The following FTCDNL1 variants were observed in gnomAD, a reference collection of about 807,000 sequenced individuals.
FTCDNL1 encodes the protein formiminotransferase cyclodeaminase N-terminal like.
A neutral mutation model predicts 5.9 loss-of-function variants in FTCDNL1; 11 were observed. The ratio of observed to expected loss-of-function variants is 1.87; its 90% CI spans 1.18 to 3.10. The LOEUF (loss-of-function observed/expected upper bound fraction) is 3.10, where lower values mean the gene tolerates loss of function less well. Among genes scored for constraint, FTCDNL1 ranks in the 30% most tolerant of loss-of-function variants. The probability of loss-of-function intolerance (pLI) is 0.00; values close to 1 mark genes in which losing one functional copy is unlikely to be tolerated. For missense variants in FTCDNL1, 115 were observed against 65.5 expected, an observed-to-expected ratio of 1.76 and a Z score of -2.61; for synonymous variants, 58 against 24.8, an observed-to-expected ratio of 2.34 and a Z score of -3.99.
chr2:199,707,788 T>C, the FTCDNL1 span, among the ~76,000 whole-genome samples: 1 of 152,096 alleles, frequency 6.6e-6, no homozygotes, highest in Admixed American at 6.6e-5. Flanking sequence ...ACTTACATAA[T>C]TTGTGAACAG....
chr2:199,841,983 G>C (rs909081280), intron 3 of FTCDNL1, among the ~76,000 whole-genome samples: 15 of 152,178 alleles, frequency 9.9e-5, no homozygotes, highest in African/African-American at 3.4e-4. Context: ...ATCTAGCCAA[G>C]TGCGGTGGCT....
At chr2:199,775,912 CTTTTTTTTTT>C (rs71019085) in intron 3 of FTCDNL1, among the ~76,000 whole-genome samples, 1 of 117,746 alleles carries the variant, frequency 8.5e-6, no homozygotes, top group African/African-American at 2.9e-5. Flanking sequence ...GCAGGATCTC[CTTTTTTTTTT>C]TTTTTTTTTG....
the FTCDNL1 span, among the ~76,000 whole-genome samples, chr2:199,701,933 G>C: frequency 6.6e-6 from 1 of 152,154 alleles, no homozygotes; most frequent in Non-Finnish European, 1.5e-5. Flanking sequence ...TACTCAGGAG[G>C]CTGAGGCATG....
chr2:199,774,608 T>G (rs1410185674), intron 3 of FTCDNL1, among the ~76,000 whole-genome samples: 2 of 152,020 alleles, frequency 1.3e-5, no homozygotes, highest in Non-Finnish European at 2.9e-5. Context: ...CAAAACGGGT[T>G]TTAAGGGTTT....
At chr2:199,691,236 G>A in the FTCDNL1 span, among the ~76,000 whole-genome samples, 5 of 152,090 alleles carry the variant, frequency 3.3e-5, no homozygotes, top group Admixed American at 2.0e-4. Context: ...GCAATGGCAC[G>A]ATCTTGGCTC....
At chr2:199,770,340 T>C (rs569274510) in intron 3 of FTCDNL1, among the ~76,000 whole-genome samples, 16 of 152,186 alleles carry the variant, frequency 1.1e-4, no homozygotes, top group Non-Finnish European at 2.2e-4. Flanking sequence ...AATCTCCCTA[T>C]TATGGTGATG....
At chr2:199,730,286 G>T in the FTCDNL1 span, among the ~76,000 whole-genome samples, 1 of 152,054 alleles carries the variant, frequency 6.6e-6, no homozygotes, top group Non-Finnish European at 1.5e-5. Flanking sequence ...CATGGGCAAA[G>T]ATTTCATGAT....
chr2:199,736,732 G>A, the FTCDNL1 span, among the ~76,000 whole-genome samples: 1 of 152,206 alleles, frequency 6.6e-6, no homozygotes, highest in African/African-American at 2.4e-5. Context: ...CATCACAGTA[G>A]TGATATCACT....
At chr2:199,750,670 G>C in the FTCDNL1 span, among the ~76,000 whole-genome samples, 1 of 152,200 alleles carries the variant, frequency 6.6e-6, no homozygotes, top group Non-Finnish European at 1.5e-5. Context: ...AAGTGAATCA[G>C]AGAGCCAGGT....
chr2:199,678,649 A>AT, the FTCDNL1 span, among the ~76,000 whole-genome samples: 1 of 151,694 alleles, frequency 6.6e-6, no homozygotes. Context: ...TCACTGAAAT[A>AT]TAAAAAAAAA....
chr2:199,782,328 C>T (rs934842084), intron 3 of FTCDNL1, among the ~76,000 whole-genome samples: 4 of 152,178 alleles, frequency 2.6e-5, no homozygotes, highest in Non-Finnish European at 4.4e-5. Flanking sequence ...CAATAAAATG[C>T]ACTCATTTTG....
At chr2:199,726,963 C>T in the FTCDNL1 span, among the ~76,000 whole-genome samples, 1 of 152,214 alleles carries the variant, frequency 6.6e-6, no homozygotes. Flanking sequence ...CTGGGGGAAT[C>T]CCACTTGTCC....
downstream of FTCDNL1, among the ~76,000 whole-genome samples, chr2:199,757,332 C>T (rs1698107954): frequency 1.3e-5 from 2 of 152,066 alleles, no homozygotes. Context: ...GAAAGGGGTG[C>T]CACTAGAGAT....
At chr2:199,697,316 G>C in the FTCDNL1 span, among the ~76,000 whole-genome samples, 1 of 151,920 alleles carries the variant, frequency 6.6e-6, no homozygotes, top group Non-Finnish European at 1.5e-5. Context: ...CTATCCCCAA[G>C]ACACATAGTG....
At chr2:199,690,998 C>T in the FTCDNL1 span, among the ~76,000 whole-genome samples, 10 of 152,060 alleles carry the variant, frequency 6.6e-5, no homozygotes, top group South Asian at 2.1e-4. Context: ...AGTAAAATGA[C>T]CCACATATAC....
At chr2:199,736,550 A>AT in the FTCDNL1 span, among the ~76,000 whole-genome samples, 6 of 152,162 alleles carry the variant, frequency 3.9e-5, no homozygotes, top group Non-Finnish European at 8.8e-5. Context: ...TCTGTCTCAT[A>AT]TTTTGTCTTT....
At chr2:199,731,944 A>T in the FTCDNL1 span, among the ~76,000 whole-genome samples, 2 of 152,036 alleles carry the variant, frequency 1.3e-5, no homozygotes, top group African/African-American at 4.8e-5. Context: ...GTGCTATCAG[A>T]TAAGACTACT....
At chr2:199,710,080 T>C in the FTCDNL1 span, among the ~76,000 whole-genome samples, 1 of 152,090 alleles carries the variant, frequency 6.6e-6, no homozygotes, top group East Asian at 1.9e-4. Context: ...GCAAAAAAAT[T>C]GAGTTGCCCA....
chr2:199,765,228 C>T (rs1352556053), intron 3 of FTCDNL1, among the ~76,000 whole-genome samples: 1 of 151,992 alleles, frequency 6.6e-6, no homozygotes, highest in Non-Finnish European at 1.5e-5. Context: ...CAAGAGTGAA[C>T]CCGAATGTTA....
Sources: gnomAD v4.1 joint callset for allele counts (sites outside exome capture counted in the v4.1 genomes callset) on GRCh38, gnomAD v4.1.1 for gene constraint, MANE v1.5 for transcripts, NCBI Gene and HGNC (gene_info 2026-07-23, HGNC 2026-07-21) for gene names.